Variants in SATL1 observed in about 807,000 individuals in gnomAD.
SATL1 encodes spermidine/spermine N(1)-acetyltransferase-like protein 1.
Under a neutral mutation model 51.8 loss-of-function variants are expected in SATL1, and 47 were observed. That is an observed-to-expected ratio of 0.91 (90% CI 0.72 to 1.16). SATL1 has a LOEUF of 1.16. Among genes scored for constraint, SATL1 ranks in the 50% most tolerant of loss-of-function variants. The pLI, the probability that SATL1 is intolerant of heterozygous loss-of-function variation, is 0.00. For missense variants in SATL1, 520 were observed against 526.4 expected (o/e 0.99, Z 0.12); for synonymous variants, 176 against 182.4 (o/e 0.97, Z 0.28).
intron 2 of SATL1, among the ~76,000 whole-genome samples, chrX:85,184,748 C>T (rs1649532816): frequency 9.0e-6 from 1 of 111,563 alleles, no homozygotes; most frequent in Non-Finnish European, 1.9e-5. Context: ...TTTTGAATTT[C>T]TTTGTGTTTC....
intron 2 of SATL1, among the ~76,000 whole-genome samples, chrX:85,133,982 C>T (rs1301714474): frequency 9.0e-6 from 1 of 111,460 alleles, no homozygotes; most frequent in African/African-American, 3.3e-5. Flanking sequence ...CAAAAAGAAA[C>T]TGAAAGAAAT....
rs769819473 is a variant in SATL1, at chrX:85,111,084, G to T, written c.-312-1804C>A. Among the ~76,000 whole-genome samples, 11 of 113,045 alleles carry T rather than the reference G, an allele frequency of 9.7e-5. No homozygotes were observed. The East Asian group carries it at 2.2e-3, about 23-fold the overall frequency. On this transcript the variant is annotated intron_variant, in intron 2 of 7. Coordinates refer to ENST00000644105, the MANE Select transcript of SATL1 (RefSeq NM_001367857.2). The stretch of plus-strand genomic sequence containing the variant: ...GCAGGCAAAGAGATGAGATAATTTT[G>T]CTGTTTACTTTACAAAATCAAACAA...
At chrX:85,220,321 G>C (rs1928144786) in intron 2 of SATL1, among the ~76,000 whole-genome samples, 2 of 109,792 alleles carry the variant, frequency 1.8e-5, no homozygotes, top group Non-Finnish European at 3.8e-5. Context: ...TTGATAGGCA[G>C]TCTAGGCCAC....
At chrX:85,127,289 C>T (rs1053849616) in intron 2 of SATL1, among the ~76,000 whole-genome samples, 1 of 111,324 alleles carries the variant, frequency 9.0e-6, no homozygotes, top group African/African-American at 3.3e-5. Flanking sequence ...ATAATATTTG[C>T]CTTACCTCAA....
At position 85,232,919 on chromosome X, in the gene SATL1, T is replaced by C. The variant is rs1050485696; in HGVS notation, c.-434-8593A>G. Among the ~76,000 whole-genome samples, 4 of 110,785 alleles carry C rather than the reference T, an allele frequency of 3.6e-5. No homozygotes were observed. The South Asian group carries it at 1.1e-3, about 32-fold the overall frequency. ...CCTGGCTGGCTTCACAACATCCAGATTGTAGAGCCGTAGGGCCTTGAGTAA... is the reference window on the plus strand; with the variant it reads ...CCTGGCTGGCTTCACAACATCCAGACTGTAGAGCCGTAGGGCCTTGAGTAA... On this transcript the variant is annotated intron_variant, in intron 1 of 7. Transcript: ENST00000644105.
intron 2 of SATL1, among the ~76,000 whole-genome samples, chrX:85,190,178 G>T (rs1050147525): frequency 3.6e-5 from 4 of 111,715 alleles, no homozygotes; most frequent in African/African-American, 1.3e-4. Context: ...TGAAAAACTA[G>T]AAATAAAAAT....
In SATL1 at chrX:85,107,333, T is replaced by A. The variant is rs189944635; in HGVS notation, c.1636A>T (p.Ile546Phe). ...TGTAATAAAAATAGGCTTACTTTAA[T>A]CAGTCGCAAAATTTCTGGGCAGTCT... is the stretch of plus-strand genomic sequence containing the variant. ...AGDCPEILRL[I>F]KELAACENML... is the part of the protein sequence containing the mutation. The change falls in exon 3 of 8, where the codon ATT becomes TTT. Residue 546 changes from isoleucine (I) to phenylalanine (F), a missense_variant. Physicochemically the swap from Ile to Phe is conservative, Grantham distance 21. Coordinates refer to ENST00000644105, the MANE Select transcript of SATL1 (RefSeq NM_001367857.2). 7 of 1,207,488 alleles carry A rather than the reference T, an allele frequency of 5.8e-6. No homozygotes were observed. In the African/African-American group the frequency reaches 1.0e-4, roughly 18 times the overall value.
chrX:85,178,691 G>A (rs775497636), intron 2 of SATL1, among the ~76,000 whole-genome samples: 3 of 109,424 alleles, frequency 2.7e-5, no homozygotes, highest in South Asian at 7.6e-4. Flanking sequence ...TTAGTCAGTC[G>A]TAATTTTTCT....
intron 2 of SATL1, among the ~76,000 whole-genome samples, chrX:85,184,937 C>T (rs1927281697): frequency 8.9e-6 from 1 of 111,884 alleles, no homozygotes. Flanking sequence ...TTGCAATATT[C>T]ACAGTCTGGG....
At chrX:85,116,739 C>A (rs1348224718) in intron 2 of SATL1, among the ~76,000 whole-genome samples, 1 of 110,699 alleles carries the variant, frequency 9.0e-6, no homozygotes, top group Non-Finnish European at 1.9e-5. Flanking sequence ...GCTGGGGGGT[C>A]TCTACTGCCC....
intron 2 of SATL1, among the ~76,000 whole-genome samples, chrX:85,222,174 C>T (rs1222417684): frequency 8.9e-6 from 1 of 111,958 alleles, no homozygotes; most frequent in East Asian, 2.8e-4. Context: ...AGATTCCACA[C>T]TTCCTAGCTG....
At chrX:85,217,398 C>T (rs1322359640) in intron 2 of SATL1, among the ~76,000 whole-genome samples, 1 of 110,683 alleles carries the variant, frequency 9.0e-6, no homozygotes, top group African/African-American at 3.3e-5. Flanking sequence ...GTAGTAATTT[C>T]CAAGAAGTAG....
intron 1 of SATL1, among the ~76,000 whole-genome samples, chrX:85,241,664 T>C (rs1200651687): frequency 8.9e-6 from 1 of 111,868 alleles, no homozygotes; most frequent in African/African-American, 3.3e-5. Context: ...CAAAACTCTC[T>C]TTTTGTACTT....
chrX:85,137,901 G>A (rs1193120184), intron 2 of SATL1, among the ~76,000 whole-genome samples: 1 of 110,841 alleles, frequency 9.0e-6, no homozygotes, highest in Non-Finnish European at 1.9e-5. Flanking sequence ...ATATTTTTCA[G>A]CTCAGATTCT....
At position 85,109,249 on chromosome X, in the gene SATL1, G is replaced by C; in HGVS notation, c.-281C>G. 2.7e-6 allele frequency: 1 copy of C among 370,573 alleles called. No individual in the cohort carries two copies. The highest frequency in any genetic ancestry group is 4.7e-6 in the Non-Finnish European group (1 of 212,984). The allele number at this position is 370,573 out of a possible 1,213,427, so 30.5% of individuals were successfully genotyped here. On this transcript the variant is annotated 5_prime_UTR_variant, in exon 3 of 8. Coordinates refer to ENST00000644105, the MANE Select transcript of SATL1 (RefSeq NM_001367857.2). ...CACCAGCGACCACAGCTGCAAGCTTGGCTGAGTTTCAGGTTGTCATCTGGC... is the reference window on the plus strand; with the variant it reads ...CACCAGCGACCACAGCTGCAAGCTTCGCTGAGTTTCAGGTTGTCATCTGGC...
chrX:85,129,631 C>G (rs1925724338), intron 2 of SATL1, among the ~76,000 whole-genome samples: 2 of 111,467 alleles, frequency 1.8e-5, no homozygotes, highest in South Asian at 7.5e-4. Context: ...AATTGAATAT[C>G]CTTTATTTCT....
intron 2 of SATL1, among the ~76,000 whole-genome samples, chrX:85,156,609 G>C (rs1432007608): frequency 1.8e-5 from 2 of 108,694 alleles, no homozygotes; most frequent in Non-Finnish European, 3.8e-5. Flanking sequence ...ATGATCAGTA[G>C]AGTACAGGCC....
intron 1 of SATL1, among the ~76,000 whole-genome samples, chrX:85,227,438 T>G (rs1027121378): frequency 8.9e-6 from 1 of 111,866 alleles, no homozygotes; most frequent in African/African-American, 3.2e-5. Context: ...AATTAATAGA[T>G]CTAAACAAAA....
chrX:85,146,652 G>T (rs1275001367), intron 2 of SATL1, among the ~76,000 whole-genome samples: 1 of 112,104 alleles, frequency 8.9e-6, no homozygotes, highest in Non-Finnish European at 1.9e-5. Context: ...CACATACTAG[G>T]AGTACCTTAC....
Sources: gnomAD v4.1 joint callset for allele counts (sites outside exome capture counted in the v4.1 genomes callset) on GRCh38, gnomAD v4.1.1 for gene constraint, MANE v1.5 for transcripts, NCBI Gene and HGNC (gene_info 2026-07-23, HGNC 2026-07-21) for gene names.